RAF1: variants seen among roughly 807,000 people sequenced by gnomAD.
RAF1 encodes the protein RAF proto-oncogene serine/threonine-protein kinase.
Under a neutral mutation model 81.1 loss-of-function variants are expected in RAF1, and 27 were observed. The ratio of observed to expected loss-of-function variants is 0.33; its 90% CI spans 0.25 to 0.46. RAF1 has a LOEUF of 0.46. Among genes scored for constraint, RAF1 ranks in the 20% least tolerant of loss-of-function variants. The probability of loss-of-function intolerance (pLI) is 1.00; values close to 1 mark genes in which losing one functional copy is unlikely to be tolerated. For synonymous variants in RAF1, 298 were observed against 294.0 expected (o/e 1.01, Z -0.14); for missense variants, 598 against 826.0 (o/e 0.72, Z 3.38).
At chr3:12,648,286 TA>T (rs34585793) in intron 1 of RAF1, among the ~76,000 whole-genome samples, 95,394 of 124,040 alleles carry the variant, frequency 0.77, 36,313 homozygotes, top group East Asian at 0.92. Context: ...ACAGCGAAGT[TA>T]AAAAAAAAAA....
chr3:12,592,033 CT>C, intron 11 of RAF1: 1 of 552,206 alleles, frequency 1.8e-6, no homozygotes, highest in Non-Finnish European at 3.3e-6. Flanking sequence ...CCACCTTGGC[CT>C]CCCAAAGTGC....
intron 1 of RAF1, among the ~76,000 whole-genome samples, chr3:12,636,456 A>AAG (rs10644785): frequency 6.7e-6 from 1 of 149,048 alleles, no homozygotes; most frequent in African/African-American, 2.5e-5. Flanking sequence ...AAAAAAAAAA[A>AAG]CTGATTGATT....
chr3:12,609,361 A>T, intron 3 of RAF1, 26 bp from the exon 4 acceptor site: 5 of 1,475,348 alleles, frequency 3.4e-6, no homozygotes, highest in Non-Finnish European at 4.7e-6. Context: ...AAAAAACATG[A>T]AATGTTTAAA....
intron 11 of RAF1, among the ~76,000 whole-genome samples, chr3:12,592,617 C>T (rs1401902422): frequency 6.6e-6 from 1 of 152,028 alleles, no homozygotes; most frequent in Admixed American, 6.6e-5. Context: ...AATTGCTATT[C>T]TACCTATAAC....
chr3:12,652,005 A>T (rs2060543604), intron 1 of RAF1, among the ~76,000 whole-genome samples: 1 of 129,432 alleles, frequency 7.7e-6, no homozygotes, highest in Non-Finnish European at 1.6e-5. Context: ...GCGAAACTCC[A>T]TCTCTAAAAT....
At chr3:12,624,885 C>CAAAAAAA (rs11298876) in intron 1 of RAF1, among the ~76,000 whole-genome samples, 168 of 111,432 alleles carry the variant, frequency 1.5e-3, no homozygotes, top group Non-Finnish European at 1.8e-3. Flanking sequence ...GACTCCAACT[C>CAAAAAAA]AAAAAAAAAA....
chr3:12,662,359 A>T (rs2060906414), intron 1 of RAF1, among the ~76,000 whole-genome samples: 1 of 91,920 alleles, frequency 1.1e-5, no homozygotes, highest in Non-Finnish European at 2.3e-5. Context: ...AAAAAAAAAA[A>T]AAAAAAAAAA....
chr3:12,645,097 C>CAAA lies in RAF1; in HGVS notation c.-27+18713_-27+18715dup, dbSNP rs11401342. On this transcript the variant is annotated intron_variant, in intron 1 of 17. Transcript: ENST00000442415. ...CTGGTGACAGAGCGAGACTCAGTCTCAAAAAAAAAAAAAAAAAAAAAAAAT... is the reference window on the plus strand; with the variant it reads ...CTGGTGACAGAGCGAGACTCAGTCTCAAAAAAAAAAAAAAAAAAAAAAAAAAAT... 9.5e-4 allele frequency among the ~76,000 whole-genome samples: 62 copies of CAAA among 65,008 alleles called. 1 individual carries two copies. Among genetic ancestry groups the CAAA allele is most frequent in the African/African-American group, 2.5e-3 (49 of 19,960 alleles). The allele number at this position is 65,008 out of a possible 152,430, so 42.6% of individuals were successfully genotyped here. A position where few individuals can be genotyped will look rare whatever the true frequency, so the allele number is the denominator to read the frequency against.
At chr3:12,592,367 T>C (rs1202135120) in intron 11 of RAF1, among the ~76,000 whole-genome samples, 2 of 152,178 alleles carry the variant, frequency 1.3e-5, no homozygotes, top group Admixed American at 1.3e-4. Context: ...CTAGTAAAAA[T>C]TCAGAGATAT....
intron 1 of RAF1, among the ~76,000 whole-genome samples, chr3:12,640,245 G>C (rs916042261): frequency 7.2e-5 from 11 of 152,064 alleles, no homozygotes; most frequent in African/African-American, 2.4e-4. Flanking sequence ...TTAAATGTTA[G>C]ACCTAAAACC....
At position 12,584,898 on chromosome 3, in the gene RAF1, C is replaced by T. The variant is rs1064797291; in HGVS notation, c.1812G>A (p.Leu604=). The stretch of plus-strand genomic sequence containing the variant: ...TTACTTTCTTCACACAGTCAGCTAC[C>T]AGCCTCTTCATTGCTTTGGGGCAGT... The change falls in exon 17 of 18, where the codon CTG becomes CTA. Residue 604 remains leucine (L), a synonymous_variant. Coordinates refer to ENST00000442415, the MANE Select transcript of RAF1 (RefSeq NM_001354689.3). 1.2e-6 allele frequency: 2 copies of T among 1,614,188 alleles called. No homozygotes were observed. The highest frequency in any genetic ancestry group is 1.7e-6 in the Non-Finnish European group (2 of 1,180,038).
At chr3:12,607,171 T>C (rs1031170219) in intron 5 of RAF1, among the ~76,000 whole-genome samples, 1 of 152,088 alleles carries the variant, frequency 6.6e-6, no homozygotes, top group Non-Finnish European at 1.5e-5. Flanking sequence ...AAGTGAGTAA[T>C]TAGGCACCTT....
intron 11 of RAF1, among the ~76,000 whole-genome samples, chr3:12,594,511 C>T (rs1367464276): frequency 6.6e-6 from 1 of 152,184 alleles, no homozygotes; most frequent in Non-Finnish European, 1.5e-5. Flanking sequence ...TTTGGTGTCA[C>T]CTGTTCTGGC....
intron 1 of RAF1, among the ~76,000 whole-genome samples, chr3:12,657,694 C>T (rs1469615746): frequency 6.6e-6 from 1 of 151,862 alleles, no homozygotes; most frequent in East Asian, 1.9e-4. Flanking sequence ...TCGCTTGAAC[C>T]CAAGGCAGAG....
chr3:12,608,498 CTCCTT>C (rs1208100231), intron 5 of RAF1: 1 of 495,150 alleles, frequency 2.0e-6, no homozygotes, highest in African/African-American at 1.9e-5. Flanking sequence ...TATCCTTTTG[CTCCTT>C]TCCTTACTGA....
At chr3:12,651,270 C>T (rs1405534035) in intron 1 of RAF1, among the ~76,000 whole-genome samples, 1 of 152,206 alleles carries the variant, frequency 6.6e-6, no homozygotes, top group Non-Finnish European at 1.5e-5. Flanking sequence ...TGTTTCCCTA[C>T]ATGCTTATAA....
intron 1 of RAF1, among the ~76,000 whole-genome samples, chr3:12,659,186 G>A (rs930773200): frequency 1.3e-5 from 2 of 151,872 alleles, no homozygotes; most frequent in Non-Finnish European, 2.9e-5. Flanking sequence ...CCAGCACTTT[G>A]GGAAGCCGAG....
chr3:12,593,780 T>G, intron 11 of RAF1, among the ~76,000 whole-genome samples: 1 of 138,042 alleles, frequency 7.2e-6, no homozygotes, highest in Non-Finnish European at 1.6e-5. Context: ...GATGGGGGAG[T>G]AAATCCTTTT....
chr3:12,585,203 C>G lies in RAF1; in HGVS notation c.1647G>C (p.Ser549=), dbSNP rs114687276. The stretch of plus-strand genomic sequence containing the variant: ...ATACGATGCCATAGGAGTAGACATC[C>G]GACTGGAAACTGAATGGGTTGTTAT... Residue 549 remains serine, a synonymous_variant, in exon 16 of 18, where the codon TCG becomes TCC. Coordinates refer to ENST00000442415, the MANE Select transcript of RAF1 (RefSeq NM_001354689.3). 6.2e-7 allele frequency: 1 copy of G among 1,614,116 alleles called. No homozygotes were observed. Among genetic ancestry groups the G allele is most frequent in the Non-Finnish European group, 8.5e-7 (1 of 1,180,026 alleles).
Sources: gnomAD v4.1 joint callset for allele counts (sites outside exome capture counted in the v4.1 genomes callset) on GRCh38, gnomAD v4.1.1 for gene constraint, MANE v1.5 for transcripts, NCBI Gene and HGNC (gene_info 2026-07-23, HGNC 2026-07-21) for gene names.